SF3B3: variants seen among roughly 807,000 people sequenced by gnomAD.
SF3B3 encodes the protein splicing factor 3b subunit 3, also known as SAP 130.
Under a neutral mutation model 139.2 loss-of-function variants are expected in SF3B3, and 33 were observed. The observed-to-expected ratio is 0.24, with a 90% CI of 0.18 to 0.32. SF3B3 has a LOEUF of 0.32. Among genes scored for constraint, SF3B3 ranks in the 10% least tolerant of loss-of-function variants. The pLI, the probability that SF3B3 is intolerant of heterozygous loss-of-function variation, is 1.00. For synonymous variants in SF3B3, 596 were observed against 563.6 expected (o/e 1.06, Z -0.81); for missense variants, 818 against 1,509.4 (o/e 0.54, Z 7.59).
In SF3B3 at chr16:70,538,324, A is replaced by G; in HGVS notation, c.827A>G (p.Asn276Ser). 6.2e-7 allele frequency: 1 copy of G among 1,613,608 alleles called. No homozygotes were observed. The highest frequency in any genetic ancestry group is 8.5e-7 in the Non-Finnish European group (1 of 1,179,686). Residue 276 changes from asparagine to serine, a missense_variant and splice_region_variant, in exon 7 of 26, where the codon AAT (asparagine) becomes AGT (serine). This residue lies in a region of SF3B3 where 80 missense variants were observed against 206.5 expected (regional missense o/e 0.39). Transcript: ENST00000302516. ...DIRCPIPRRR[N>S]DLDDPERGMI... ...TGATTGTGTTTTTGACTTTGCTAGAATGACCTGGATGACCCTGAAAGAGGA... is the reference window on the plus strand; with the variant it reads ...TGATTGTGTTTTTGACTTTGCTAGAGTGACCTGGATGACCCTGAAAGAGGA...
At position 70,548,428 on chromosome 16, in the gene SF3B3, G is replaced by A. The variant is rs371856170; in HGVS notation, c.1388G>A (p.Arg463His). The change falls in exon 11 of 26, where the codon CGT (arginine) becomes CAT (histidine). Residue 463 changes from arginine to histidine, a missense_variant. By Grantham distance (29) the Arg-to-His change is conservative. This residue lies in a region of SF3B3 where 31 missense variants were observed against 77.3 expected (regional missense o/e 0.40). Coordinates refer to ENST00000302516, the MANE Select transcript of SF3B3 (RefSeq NM_012426.5). Reference protein sequence around the residue: ...PGNPNAVWTVRRHIEDEFDAY... With the variant: ...PGNPNAVWTVHRHIEDEFDAY... ...AACCCCAACGCTGTCTGGACAGTGC[G>A]TCGACACATTGAAGGTAAGCAGCTT... is the stretch of plus-strand genomic sequence containing the variant. 5.6e-6 allele frequency: 9 copies of A among 1,613,828 alleles called. No individual in the cohort carries two copies. Among genetic ancestry groups the A allele is most frequent in the Admixed American group, 1.7e-5 (1 of 60,008 alleles).
intron 14 of SF3B3, 197 bp from the exon 15 acceptor site, chr16:70,556,689 G>C (rs1322285221): frequency 1.6e-6 from 1 of 633,656 alleles, no homozygotes; most frequent in Admixed American, 2.9e-5. Context: ...GACAAAAGGA[G>C]GAAAGCATGA....
At chr16:70,532,417 T>C in intron 4 of SF3B3, 62 bp from the exon 5 acceptor site, 2 of 1,494,996 alleles carry the variant, frequency 1.3e-6, no homozygotes, top group Non-Finnish European at 1.8e-6. Flanking sequence ...GGAGTCCTGA[T>C]GTCCTTTCCA....
At chr16:70,558,338 A>T (rs2050397647) in intron 15 of SF3B3, among the ~76,000 whole-genome samples, 1 of 151,542 alleles carries the variant, frequency 6.6e-6, no homozygotes, top group African/African-American at 2.4e-5. Context: ...CTGGTCTTGA[A>T]CTCCTGGCCT....
chr16:70,548,461 A>G lies in SF3B3; in HGVS notation c.1402+19A>G, dbSNP rs200426633. 1.1e-5 allele frequency: 18 copies of G among 1,608,544 alleles called. No homozygotes were observed. The highest frequency in any genetic ancestry group is 3.3e-5 in the South Asian group (3 of 90,956). On this transcript the variant is annotated intron_variant, in intron 11 of 25. Coordinates refer to ENST00000302516, the MANE Select transcript of SF3B3 (RefSeq NM_012426.5). ...ATTGAAGGTAAGCAGCTTTTTCCCA[A>G]TAGTCAAAATGAGGATCTAGGTGCC...
Position 70,563,966 on chromosome 16 carries a change from G to A in SF3B3, c.2379G>A (p.Glu793=). The part of the protein sequence containing the change: ...YTPRKFVIHP[E]SNNLIIIETD... ...CCAGGAAATTTGTCATCCACCCTGA[G>A]AGTAACAACCTTATTATCATTGAAA... Residue 793 remains glutamate (E), a synonymous_variant, in exon 18 of 26, where the codon GAG becomes GAA. Transcript: ENST00000302516. 3 of 1,614,144 alleles carry A rather than the reference G, an allele frequency of 1.9e-6. No individual in the cohort carries two copies. Among genetic ancestry groups the A allele is most frequent in the East Asian group, 2.2e-5 (1 of 44,888 alleles).
At chr16:70,558,234 T>G (rs2050395978) in intron 15 of SF3B3, among the ~76,000 whole-genome samples, 1 of 151,990 alleles carries the variant, frequency 6.6e-6, no homozygotes, top group Non-Finnish European at 1.5e-5. Context: ...TAATTTAAAT[T>G]TTCTAGTAGC....
rs574840583 is a variant in SF3B3, at chr16:70,571,664, A to G, written c.3514-9A>G. Reference sequence around the variant, plus strand: ...CATTTTTTTTCTTTCTGCTTTCTCCATATCTTAGAATGTGATTGATGGAGA... The same window carrying G: ...CATTTTTTTTCTTTCTGCTTTCTCCGTATCTTAGAATGTGATTGATGGAGA... On this transcript the variant is annotated splice_polypyrimidine_tract_variant and intron_variant, in intron 25 of 25. Transcript: ENST00000302516. 3.7e-5 allele frequency: 60 copies of G among 1,605,120 alleles called. 1 individual carries two copies. Among genetic ancestry groups the G allele is most frequent in the South Asian group, 1.9e-4 (17 of 90,198 alleles).
intron 6 of SF3B3, chr16:70,538,095 G>T (rs1338540392): frequency 1.4e-6 from 1 of 690,480 alleles, no homozygotes; most frequent in East Asian, 2.9e-5. Context: ...ATCTGATCAG[G>T]CTGTAGAGTG....
rs1352834674 is a variant in SF3B3, at chr16:70,572,109, G to A, written c.*296G>A. On this transcript the variant is annotated 3_prime_UTR_variant, in exon 26 of 26. Coordinates refer to ENST00000302516, the MANE Select transcript of SF3B3 (RefSeq NM_012426.5). ...AGCCATCCCTGCATTGATATGTCTTGACTCTCCTGTCTACTTTTGCACACA... is the reference window on the plus strand; with the variant it reads ...AGCCATCCCTGCATTGATATGTCTTAACTCTCCTGTCTACTTTTGCACACA... 2 of 575,398 alleles carry A rather than the reference G, an allele frequency of 3.5e-6. No homozygotes were observed. Among genetic ancestry groups the A allele is most frequent in the East Asian group, 7.9e-5 (2 of 25,184 alleles). The allele number at this position is 575,398 out of a possible 1,614,324, so 35.6% of individuals were successfully genotyped here.
At chr16:70,562,237 C>T (rs2050435755) in intron 17 of SF3B3, among the ~76,000 whole-genome samples, 1 of 152,136 alleles carries the variant, frequency 6.6e-6, no homozygotes. Context: ...GAAGTTTGAG[C>T]ACTGTATGTA....
At chr16:70,536,193 A>T (rs2050164283) in intron 6 of SF3B3, among the ~76,000 whole-genome samples, 2 of 148,670 alleles carry the variant, frequency 1.3e-5, no homozygotes, top group Non-Finnish European at 3.0e-5. Flanking sequence ...TTTGAGATGG[A>T]GTCTTGCTCT....
At position 70,574,509 on chromosome 16, in the gene SF3B3, GTTTA is replaced by G. The variant is rs1446640330; in HGVS notation, c.*2699_*2702del. On this transcript the variant is annotated 3_prime_UTR_variant, in exon 26 of 26. Transcript: ENST00000302516. ...TAAATTCTTGTTTTTTTGTTTGTTT[GTTTA>G]TTAGAGATGGAATCTCTCTCTCTTG... The G allele has an allele frequency of 6.6e-6, 1 of 152,076 alleles. No homozygotes were observed. The highest frequency in any genetic ancestry group is 2.4e-5 in the African/African-American group (1 of 41,350). 9.4% of individuals were successfully genotyped at this position (152,076 alleles called of 1,614,324 possible). A position where few individuals can be genotyped will look rare whatever the true frequency, so the allele number is the denominator to read the frequency against.
intron 20 of SF3B3, among the ~76,000 whole-genome samples, chr16:70,566,029 A>C (rs189086429): frequency 2.0e-5 from 3 of 152,134 alleles, no homozygotes; most frequent in Admixed American, 2.0e-4. Flanking sequence ...AGACAGGAGA[A>C]TCGCTTGAAC....
Position 70,523,818 on chromosome 16 carries a change from C to G in SF3B3, c.-181C>G, listed in dbSNP as rs1228919174. On this transcript the variant is annotated 5_prime_UTR_variant, in exon 1 of 26. Coordinates refer to ENST00000302516, the MANE Select transcript of SF3B3 (RefSeq NM_012426.5). ...TTTCCGCCGCGCGCCACCAGAATGT[C>G]CCTGTCTTGAGGTCTAATGGCGGAC... The G allele has an allele frequency of 7.0e-6, 4 of 574,300 alleles. No individual in the cohort carries two copies. The highest frequency in any genetic ancestry group is 1.2e-5 in the Non-Finnish European group (4 of 325,992). 35.6% of individuals were successfully genotyped at this position (574,300 alleles called of 1,614,324 possible). A position where few individuals can be genotyped will look rare whatever the true frequency, so the allele number is the denominator to read the frequency against.
At position 70,563,930 on chromosome 16, in the gene SF3B3, G is replaced by A. The variant is rs907710605; in HGVS notation, c.2343G>A (p.Leu781=). The change falls in exon 18 of 26, where the codon CTG becomes CTA. Residue 781 remains leucine, a synonymous_variant. Transcript: ENST00000302516. ...GAVFNQVAFP[L]QYTPRKFVIH... ...TCTTCAATCAAGTAGCCTTCCCACT[G>A]CAGTACACACCCAGGAAATTTGTCA... 1 of 1,613,958 alleles carries A rather than the reference G, an allele frequency of 6.2e-7. No individual in the cohort carries two copies. Among genetic ancestry groups the A allele is most frequent in the Admixed American group, 1.7e-5 (1 of 59,984 alleles).
intron 17 of SF3B3, among the ~76,000 whole-genome samples, chr16:70,562,665 C>T (rs1292928611): frequency 6.6e-6 from 1 of 152,106 alleles, no homozygotes; most frequent in African/African-American, 2.4e-5. Flanking sequence ...ATCTGTGGCC[C>T]CTACCTCCTG....
intron 20 of SF3B3, among the ~76,000 whole-genome samples, chr16:70,566,048 C>A (rs1262708705): frequency 3.3e-5 from 5 of 150,698 alleles, no homozygotes; most frequent in Admixed American, 2.0e-4. Flanking sequence ...ACCCGGGAGG[C>A]GGAGGTTGCA....
At chr16:70,542,408 G>A (rs1567414525) in intron 9 of SF3B3, among the ~76,000 whole-genome samples, 1 of 152,302 alleles carries the variant, frequency 6.6e-6, no homozygotes, top group East Asian at 1.9e-4. Flanking sequence ...CATTCTCAAG[G>A]AGGAACCTGA....
Sources: allele counts gnomAD v4.1 joint callset (sites outside exome capture counted in the v4.1 genomes callset), GRCh38; gene constraint gnomAD v4.1.1; regional missense constraint gnomAD v4.1.1; transcripts MANE v1.5; gene names NCBI Gene and HGNC (gene_info 2026-07-23, HGNC 2026-07-21).